PCDHGA1: variants seen among roughly 807,000 people sequenced by gnomAD.
The protein encoded by PCDHGA1 is protocadherin gamma subfamily A, 1, also known as protocadherin gamma-A1.
PCDHGA1 carries 32 observed loss-of-function variants against 58.0 expected under a neutral mutation model. That is an observed-to-expected ratio of 0.55 (90% confidence interval 0.42 to 0.74). The LOEUF (loss-of-function observed/expected upper bound fraction) is 0.74. Ranked by LOEUF, PCDHGA1 falls within the 30% of genes least tolerant of loss-of-function variation. The pLI is 0.00. For synonymous variants in PCDHGA1, 498 were observed against 501.1 expected (o/e 0.99, Z 0.08); for missense variants, 1,205 against 1,182.3 (o/e 1.02, Z -0.28).
chr5:141,399,320 A>G, intron 1 of PCDHGA1: 3 of 1,614,010 alleles, frequency 1.9e-6, no homozygotes, highest in Non-Finnish European at 2.5e-6. Context: ...AAAAATTCGT[A>G]TAAGTTGGTA....
chr5:141,398,197 T>G lies in PCDHGA1; in HGVS notation c.2421+65092T>G, dbSNP rs1317220760. On this transcript the variant is annotated intron_variant, in intron 1 of 3. Transcript: ENST00000517417. Reference sequence around the variant, plus strand: ...AGTGCTCTTTCTCTTCCTGCTGTCTTTGTTCTGCCCGGCGCTCTGTGAGCA... The same window carrying G: ...AGTGCTCTTTCTCTTCCTGCTGTCTGTGTTCTGCCCGGCGCTCTGTGAGCA... 2.7e-6 allele frequency: 4 copies of G among 1,492,294 alleles called. No homozygotes were observed. The African/African-American group carries it at 4.2e-5, about 16-fold the overall frequency. The allele number at this position is 1,492,294 out of a possible 1,614,324, so 92.4% of individuals were successfully genotyped here.
intron 1 of PCDHGA1, chr5:141,433,358 C>CCTATCTATCTATCTATCTATCTAT: frequency 9.9e-6 from 5 of 503,368 alleles, no homozygotes; most frequent in South Asian, 2.6e-5. Flanking sequence ...CTACTGTCTG[C>CCTATCTATCTATCTATCTATCTAT]CTATCTATCT....
At chr5:141,410,319 C>A in intron 1 of PCDHGA1, 2 of 1,614,018 alleles carry the variant, frequency 1.2e-6, no homozygotes, top group Admixed American at 1.7e-5. Flanking sequence ...TTCCTCCTCG[C>A]CGTGATTCTG....
rs761189685 is a variant in PCDHGA1 at position 141,404,203 on chromosome 5, A to G, written c.2421+71098A>G. On this transcript the variant is annotated intron_variant, in intron 1 of 3. Coordinates refer to ENST00000517417, the MANE Select transcript of PCDHGA1 (RefSeq NM_018912.3). Reference sequence around the variant, plus strand: ...TTCTTGACCGAGAAAAAGCCTCAGAATATAATATCACGGTGACTGCAACAG... The same window carrying G: ...TTCTTGACCGAGAAAAAGCCTCAGAGTATAATATCACGGTGACTGCAACAG... 11 of 1,613,806 alleles carry G rather than the reference A, an allele frequency of 6.8e-6. No individual in the cohort carries two copies. In the South Asian group the frequency reaches 1.2e-4, roughly 18 times the overall value.
chr5:141,381,820 C>CTTTCTTTCTTTCTTTCTTTCT (rs1279410534), intron 1 of PCDHGA1, among the ~76,000 whole-genome samples: 8 of 119,916 alleles, frequency 6.7e-5, no homozygotes, highest in African/African-American at 2.7e-4. Flanking sequence ...TTCTTTCTTT[C>CTTTCTTTCTTTCTTTCTTTCT]TTCTTCTTTT....
chr5:141,485,714 G>A lies in PCDHGA1; in HGVS notation c.2422-9093G>A. 6.2e-7 allele frequency: 1 copy of A among 1,614,182 alleles called. No individual in the cohort carries two copies. The highest frequency in any genetic ancestry group is 8.5e-7 in the Non-Finnish European group (1 of 1,180,042). On this transcript the variant is annotated intron_variant, in intron 1 of 3. Transcript: ENST00000517417. This position sits in a 1 kb window ranked among gnomAD's most constrained non-coding sequence, Gnocchi z 5.7. ...GAGCTCCAATGAACACTTTGCACTG[G>A]ATGTGAAGAAGCGCAGCGACGGCAG...
chr5:141,486,654 T>C lies in PCDHGA1; in HGVS notation c.2422-8153T>C. ...TTGAATGCGCTTATCTCCTACTCAC[T>C]CCTGGAGCCCAGGAATCGAGATGTA... is the stretch of plus-strand genomic sequence containing the variant. On this transcript the variant is annotated intron_variant, in intron 1 of 3. Coordinates refer to ENST00000517417, the MANE Select transcript of PCDHGA1 (RefSeq NM_018912.3). The surrounding 1 kb of genome is among the most constrained non-coding windows in gnomAD (Gnocchi z 5.0). The C allele has an allele frequency of 2.5e-6, 4 of 1,613,922 alleles. No individual in the cohort carries two copies. Among genetic ancestry groups the C allele is most frequent in the Non-Finnish European group, 3.4e-6 (4 of 1,180,026 alleles).
At chr5:141,338,787 A>G in intron 1 of PCDHGA1, 1 of 1,341,854 alleles carries the variant, frequency 7.5e-7, no homozygotes. Flanking sequence ...CCCACAGCAC[A>G]AGGGGGTGGA....
chr5:141,352,426 C>T (rs1759009835), intron 1 of PCDHGA1: 1 of 1,614,080 alleles, frequency 6.2e-7, no homozygotes, highest in Non-Finnish European at 8.5e-7. Flanking sequence ...CTGAGGGCTG[C>T]TTTCAAACCG....
rs1349908482 is a variant in PCDHGA1 at position 141,352,111 on chromosome 5, G to A, written c.2421+19006G>A. ...AGCCCGGGCTCTTCAGCCTGGGGTT[G>A]CGCACGGGTGAGGTGCGCACAGCGC... On this transcript the variant is annotated intron_variant, in intron 1 of 3. Transcript: ENST00000517417. 10 of 1,607,660 alleles carry A rather than the reference G, an allele frequency of 6.2e-6. 1 individual carries two copies. The highest frequency in any genetic ancestry group is 8.5e-6 in the Non-Finnish European group (10 of 1,177,870).
Position 141,476,667 on chromosome 5 carries a change from T to C in PCDHGA1, c.2422-18140T>C. 6.2e-7 allele frequency: 1 copy of C among 1,614,234 alleles called. No individual in the cohort carries two copies. Among genetic ancestry groups the C allele is most frequent in the Non-Finnish European group, 8.5e-7 (1 of 1,180,042 alleles). ...CGAAATGAATACTTTGCGCTTCGCG[T>C]GCAGACGCGGGAGGACAGCACCAAG... On this transcript the variant is annotated intron_variant, in intron 1 of 3. Transcript: ENST00000517417. The surrounding 1 kb of genome is among the most constrained non-coding windows in gnomAD (Gnocchi z 7.6).
intron 1 of PCDHGA1, chr5:141,346,261 C>A (rs7736541): frequency 5.0e-6 from 8 of 1,613,842 alleles, no homozygotes; most frequent in Non-Finnish European, 6.8e-6. Flanking sequence ...TTTGTGGGCG[C>A]GGACGGGGTT....
rs780181079 is a variant in PCDHGA1 at position 141,332,350 on chromosome 5, AACG to A, written c.1669_1671del (p.Asp557del). ...TCTCAGCCTATTCCTGCTGGACCAG[AACG>A]ACAACGCGCCCGAGATCCTGTACCC... On this transcript the variant is annotated inframe_deletion, in exon 1 of 4. Transcript: ENST00000517417. This position sits in a 1 kb window ranked among gnomAD's most constrained non-coding sequence, Gnocchi z 4.6. 13 of 1,613,964 alleles carry A rather than the reference AACG, an allele frequency of 8.1e-6. No individual in the cohort carries two copies. Among genetic ancestry groups the A allele is most frequent in the Non-Finnish European group, 1.0e-5 (12 of 1,180,006 alleles).
chr5:141,406,600 G>A (rs1172246444), intron 1 of PCDHGA1, among the ~76,000 whole-genome samples: 2 of 152,144 alleles, frequency 1.3e-5, no homozygotes, highest in African/African-American at 4.8e-5. Flanking sequence ...AATGGTGAAA[G>A]TTGTCACATC....
In PCDHGA1 at chr5:141,434,915, T is replaced by A. The variant is rs1301814716; in HGVS notation, c.2422-59892T>A. Among the ~76,000 whole-genome samples, 3 of 151,830 alleles carry A rather than the reference T, an allele frequency of 2.0e-5. No homozygotes were observed. The East Asian group carries it at 5.8e-4, about 29-fold the overall frequency. ...GTCCCCTTCCCTCATACCTTATTTATGTACATATATTTTATATAATAGATA... is the reference window on the plus strand; with the variant it reads ...GTCCCCTTCCCTCATACCTTATTTAAGTACATATATTTTATATAATAGATA... On this transcript the variant is annotated intron_variant, in intron 1 of 3. Transcript: ENST00000517417.
At position 141,341,019 on chromosome 5, in the gene PCDHGA1, T is replaced by A. The variant is rs140187884; in HGVS notation, c.2421+7914T>A. On this transcript the variant is annotated intron_variant, in intron 1 of 3. Transcript: ENST00000517417. Reference sequence around the variant, plus strand: ...CTGGGCAGCCTCGAGCCCTCCGCCATACCCAACGATTCGGACCTCACTCTG... The same window carrying A: ...CTGGGCAGCCTCGAGCCCTCCGCCAAACCCAACGATTCGGACCTCACTCTG... The A allele has an allele frequency of 1.6e-4, 262 of 1,613,806 alleles. 2 individuals carry two copies. Among genetic ancestry groups the A allele is most frequent in the Middle Eastern group, 9.9e-4 (6 of 6,054 alleles).
chr5:141,437,715 C>T (rs2097903335), intron 1 of PCDHGA1, among the ~76,000 whole-genome samples: 1 of 151,772 alleles, frequency 6.6e-6, no homozygotes, highest in Non-Finnish European at 1.5e-5. Context: ...ACACAGTTAC[C>T]CTCTAATGTT....
In PCDHGA1 at chr5:141,330,989, G is replaced by A. The variant is rs1049874498; in HGVS notation, c.305G>A (p.Cys102Tyr). Residue 102 changes from cysteine to tyrosine, a missense_variant, in exon 1 of 4, where the codon TGT becomes TAT. Physicochemically the swap from Cys to Tyr is radical, Grantham distance 194. Transcript: ENST00000517417. ...REELCAQSMP[C>Y]LVSFNILVED... ...GAGCTCTGCGCTCAGAGCATGCCGT[G>A]TCTCGTGAGTTTTAATATCCTTGTT... 1.4e-5 allele frequency: 23 copies of A among 1,614,066 alleles called. No homozygotes were observed. The highest frequency in any genetic ancestry group is 2.2e-5 in the South Asian group (2 of 91,084).
chr5:141,415,163 C>A, intron 1 of PCDHGA1: 1 of 1,613,856 alleles, frequency 6.2e-7, no homozygotes. Flanking sequence ...GCCACTGTCA[C>A]GCTCACCGTG....
Sources: gnomAD v4.1 joint callset for allele counts (sites outside exome capture counted in the v4.1 genomes callset) on GRCh38, gnomAD v4.1.1 for gene constraint, Gnocchi (gnomAD v3.1) non-coding constraint, MANE v1.5 for transcripts, NCBI Gene and HGNC (gene_info 2026-07-23, HGNC 2026-07-21) for gene names.